The following POU2F1 variants were observed in gnomAD, a reference collection of about 807,000 sequenced individuals.
The protein encoded by POU2F1 is POU class 2 homeobox 1, also known as POU domain, class 2, transcription factor 1.
A neutral mutation model predicts 84.9 loss-of-function variants in POU2F1; 16 were observed. The observed-to-expected ratio is 0.19, with a 90% CI of 0.13 to 0.29. POU2F1 has a LOEUF of 0.29. Among genes scored for constraint, POU2F1 ranks in the 10% least tolerant of loss-of-function variants. POU2F1 has a pLI of 1.00. For missense variants in POU2F1, 738 were observed against 942.6 expected (o/e 0.78, Z 2.84); for synonymous variants, 368 against 368.3 (o/e 1.00, Z 0.01).
In POU2F1 at chr1:167,244,934, A is replaced by C. The variant is rs115536193; in HGVS notation, c.61+23976A>C. 2.2e-3 allele frequency among the ~76,000 whole-genome samples: 330 copies of C among 152,316 alleles called. 4 individuals are homozygous for C. The highest frequency in any genetic ancestry group is 7.7e-3 in the African/African-American group (322 of 41,580). On this transcript the variant is annotated intron_variant, in intron 1 of 15. Coordinates refer to ENST00000367866, the MANE Select transcript of POU2F1 (RefSeq NM_002697.4). ...CCTTTTTGTCAACTTCAGTTTCTGG[A>C]GAGAGGGATCTTAATACTACATAGC... is the stretch of plus-strand genomic sequence containing the variant.
chr1:167,329,298 A>T (rs552794913), intron 1 of POU2F1: 5 of 1,548,908 alleles, frequency 3.2e-6, no homozygotes, highest in Non-Finnish European at 4.4e-6. Flanking sequence ...TGCAGTGACT[A>T]TGTTCTAGGT....
At chr1:167,378,820 T>G (rs111668155) in intron 7 of POU2F1, among the ~76,000 whole-genome samples, 4,015 of 152,220 alleles carry the variant, frequency 0.026, 174 homozygotes, top group African/African-American at 0.089. Context: ...TGGCATGATC[T>G]TGGCTCACTG....
chr1:167,263,291 G>T (rs1217135237), intron 1 of POU2F1, among the ~76,000 whole-genome samples: 1 of 152,226 alleles, frequency 6.6e-6, no homozygotes, highest in South Asian at 2.1e-4. Context: ...AGGCCGAGGC[G>T]AGTGGATCAC....
intron 1 of POU2F1, among the ~76,000 whole-genome samples, chr1:167,245,128 C>T (rs930879037): frequency 2.0e-5 from 3 of 151,978 alleles, no homozygotes; most frequent in Non-Finnish European, 4.4e-5. Flanking sequence ...TTTAAAGGAT[C>T]TTTGTATGTT....
chr1:167,318,083 C>T (rs903733017), intron 1 of POU2F1, among the ~76,000 whole-genome samples: 3 of 152,188 alleles, frequency 2.0e-5, no homozygotes, highest in Non-Finnish European at 2.9e-5. Flanking sequence ...ATTAAGGTCA[C>T]GTGTGCCTGG....
At chr1:167,390,501 T>G (rs896111986) in intron 9 of POU2F1, among the ~76,000 whole-genome samples, 2 of 152,178 alleles carry the variant, frequency 1.3e-5, no homozygotes, top group African/African-American at 4.8e-5. Context: ...AACAGTTTTT[T>G]GTAGTGGGGG....
chr1:167,223,441 T>A (rs1390928785), intron 1 of POU2F1, among the ~76,000 whole-genome samples: 2 of 152,068 alleles, frequency 1.3e-5, no homozygotes, highest in Non-Finnish European at 2.9e-5. Context: ...TAGGGGTGTG[T>A]GTGAGTGTGA....
chr1:167,354,641 G>C (rs755198796), intron 2 of POU2F1, among the ~76,000 whole-genome samples: 13 of 152,140 alleles, frequency 8.5e-5, no homozygotes, highest in Non-Finnish European at 1.9e-4. Flanking sequence ...AGTACTGCCA[G>C]CCAGTTTTCC....
intron 14 of POU2F1, 149 bp downstream of exon 14, chr1:167,412,453 C>A: frequency 1.5e-6 from 1 of 655,410 alleles, no homozygotes; most frequent in Non-Finnish European, 2.4e-6. Context: ...TGTGATCATA[C>A]AAGGACTTTG....
intron 1 of POU2F1, among the ~76,000 whole-genome samples, chr1:167,311,825 CAG>C (rs1182425300): frequency 7.6e-6 from 1 of 131,254 alleles, no homozygotes; most frequent in Non-Finnish European, 1.7e-5. Context: ...CTTTTGGAGA[CAG>C]AGTCTTGCTC....
At chr1:167,363,585 A>C (rs1165087543) in intron 2 of POU2F1, among the ~76,000 whole-genome samples, 1 of 152,206 alleles carries the variant, frequency 6.6e-6, no homozygotes, top group African/African-American at 2.4e-5. Flanking sequence ...GTGGAAAAAA[A>C]TAAAAAATAA....
rs1647792210 is a variant in POU2F1, at chr1:167,384,277, A to G, written c.813+326A>G. Among the ~76,000 whole-genome samples the G allele has an allele frequency of 5.9e-5, 9 of 152,186 alleles. No individual in the cohort carries two copies. In the South Asian group the frequency reaches 1.7e-3, roughly 28 times the overall value. On this transcript the variant is annotated intron_variant, in intron 8 of 15. Transcript: ENST00000367866. ...ACTGGAAACCTAGTGAGCCTCAGTT[A>G]AAAATCCATTGTTACCCTTTACCCT...
intron 1 of POU2F1, among the ~76,000 whole-genome samples, chr1:167,258,343 T>C (rs887881168): frequency 2.6e-5 from 4 of 152,216 alleles, no homozygotes; most frequent in African/African-American, 9.6e-5. Flanking sequence ...TTCTTCCCCT[T>C]CTGAATGTGC....
At chr1:167,300,011 A>G (rs745866805) in intron 1 of POU2F1, among the ~76,000 whole-genome samples, 5 of 152,210 alleles carry the variant, frequency 3.3e-5, no homozygotes, top group African/African-American at 7.2e-5. Flanking sequence ...AAGCCATGGT[A>G]TTAACCAAGG....
In POU2F1 at chr1:167,376,046, A is replaced by G. The variant is rs759954934; in HGVS notation, c.609A>G (p.Gln203=). 10 of 1,614,058 alleles carry G rather than the reference A, an allele frequency of 6.2e-6. No homozygotes were observed. The highest frequency in any genetic ancestry group is 2.2e-5 in the East Asian group (1 of 44,900). ...TTTTTCAGGATCTTCAACAACTGCAACAGCTTCAACAGCAGAATCTCAACC... is the reference window on the plus strand; with the variant it reads ...TTTTTCAGGATCTTCAACAACTGCAGCAGCTTCAACAGCAGAATCTCAACC... ...IQIAQDLQQL[Q]QLQQQNLNLQ... Residue 203 remains glutamine, a synonymous_variant, in exon 7 of 16, where the codon CAA becomes CAG. Coordinates refer to ENST00000367866, the MANE Select transcript of POU2F1 (RefSeq NM_002697.4).
chr1:167,338,188 C>A, intron 2 of POU2F1: 1 of 468,394 alleles, frequency 2.1e-6, no homozygotes. Context: ...TCCTGTTCCT[C>A]CTTCTCAGCC....
chr1:167,341,514 C>G (rs1657850898), intron 2 of POU2F1, among the ~76,000 whole-genome samples: 2 of 152,128 alleles, frequency 1.3e-5, no homozygotes, highest in Admixed American at 1.3e-4. Flanking sequence ...CCCTGACCCC[C>G]CTTGCAGGAC....
At chr1:167,369,269 C>G (rs1454743603) in intron 3 of POU2F1, among the ~76,000 whole-genome samples, 1 of 152,172 alleles carries the variant, frequency 6.6e-6, no homozygotes, top group Non-Finnish European at 1.5e-5. Flanking sequence ...GTATTCCTCT[C>G]AGTGCATCTT....
chr1:167,257,627 G>A lies in POU2F1; in HGVS notation c.61+36669G>A, dbSNP rs534039623. On this transcript the variant is annotated intron_variant, in intron 1 of 15. Coordinates refer to ENST00000367866, the MANE Select transcript of POU2F1 (RefSeq NM_002697.4). ...TGGGAAATGTAAACTGTAAGTGATT[G>A]CATTGTAGGAAATATTAAGGGATCT... Among the ~76,000 whole-genome samples, 8 of 152,310 alleles carry A rather than the reference G, an allele frequency of 5.3e-5. No individual in the cohort carries two copies. In the South Asian group the frequency reaches 1.7e-3, roughly 32 times the overall value.
Sources: allele counts gnomAD v4.1 joint callset (sites outside exome capture counted in the v4.1 genomes callset), GRCh38; gene constraint gnomAD v4.1.1; transcripts MANE v1.5; gene names NCBI Gene and HGNC (gene_info 2026-07-23, HGNC 2026-07-21).